The following KLHL5 variants were observed in gnomAD, a reference collection of about 807,000 sequenced individuals.
KLHL5 encodes the protein kelch-like protein 5.
A neutral mutation model predicts 77.7 loss-of-function variants in KLHL5; 48 were observed. The observed-to-expected ratio is 0.62, with a 90% confidence interval of 0.49 to 0.79. KLHL5 has a LOEUF of 0.79. Among genes scored for constraint, KLHL5 ranks in the 30% least tolerant of loss-of-function variants. The pLI is 0.00. For synonymous variants in KLHL5, 260 were observed against 297.0 expected (o/e 0.88, Z 1.28); for missense variants, 723 against 859.7 (o/e 0.84, Z 1.99).
chr4:39,130,844 CT>C (rs546585182), downstream of KLHL5, among the ~76,000 whole-genome samples: 428 of 146,896 alleles, frequency 2.9e-3, 1 homozygote, highest in African/African-American at 4.3e-3. Context: ...ACAAATAATT[CT>C]TTTTTTTTTT....
chr4:39,075,979 G>A lies in KLHL5; in HGVS notation c.398G>A (p.Ser133Asn), dbSNP rs772947807. 6.2e-7 allele frequency: 1 copy of A among 1,609,520 alleles called. No individual in the cohort carries two copies. The highest frequency in any genetic ancestry group is 1.7e-5 in the Admixed American group (1 of 59,222). ...TTTCTTTTCAGGACTTCCAATAGTAGTCAGACATTATCATCCTGTCATACT... is the reference window on the plus strand; with the variant it reads ...TTTCTTTTCAGGACTTCCAATAGTAATCAGACATTATCATCCTGTCATACT... ...DSSSCRTSNS[S>N]QTLSSCHTME... Residue 133 changes from serine (S) to asparagine (N), a missense_variant, in exon 2 of 11, where the codon AGT becomes AAT. Ser to Asn is a conservative substitution (Grantham distance 46). Transcript: ENST00000504108.
At chr4:39,120,532 A>C (rs1480901663) in intron 10 of KLHL5, among the ~76,000 whole-genome samples, 1 of 152,172 alleles carries the variant, frequency 6.6e-6, no homozygotes, top group Non-Finnish European at 1.5e-5. Flanking sequence ...AAAAAATGTG[A>C]GGTTATGAGT....
In KLHL5 at chr4:39,125,845, A is replaced by G. The variant is rs1290992705; in HGVS notation, c.*4779A>G. 3.9e-5 allele frequency among the ~76,000 whole-genome samples: 6 copies of G among 152,208 alleles called. No individual in the cohort carries two copies. The highest frequency in any genetic ancestry group is 7.3e-5 in the Non-Finnish European group (5 of 68,040). On this transcript the variant is annotated 3_prime_UTR_variant, in exon 11 of 11. Transcript: ENST00000504108. ...CACATACACTTTACCATAATTTTTAAAAAGCTTTATTAGCTACATTATGTT... is the reference window on the plus strand; with the variant it reads ...CACATACACTTTACCATAATTTTTAGAAAGCTTTATTAGCTACATTATGTT...
chr4:39,131,491 A>C (rs1723799201), downstream of KLHL5, among the ~76,000 whole-genome samples: 1 of 152,206 alleles, frequency 6.6e-6, no homozygotes, highest in African/African-American at 2.4e-5. Context: ...ATTCAGAAGA[A>C]TCATCCTGCT....
chr4:39,129,704 A>G (rs1723725476), downstream of KLHL5, among the ~76,000 whole-genome samples: 1 of 152,014 alleles, frequency 6.6e-6, no homozygotes, highest in African/African-American at 2.4e-5. This position sits in a 1 kb window ranked among gnomAD's most constrained non-coding sequence, Gnocchi z 4.2. Context: ...TTCCATCTTT[A>G]TGTCCTTTAT....
In KLHL5 at chr4:39,124,773, T is replaced by C. The variant is rs750762058; in HGVS notation, c.*3707T>C. On this transcript the variant is annotated 3_prime_UTR_variant, in exon 11 of 11. Coordinates refer to ENST00000504108, the MANE Select transcript of KLHL5 (RefSeq NM_015990.5). ...TTGGATTTGGCAATGGTTTCTTAGA[T>C]ATGGCACCAAAAGCACAAGCAACAA... 4.0e-4 allele frequency among the ~76,000 whole-genome samples: 42 copies of C among 106,002 alleles called. No individual in the cohort carries two copies. The highest frequency in any genetic ancestry group is 6.8e-4 in the Non-Finnish European group (39 of 57,308). 69.5% of individuals were successfully genotyped at this position (106,002 alleles called of 152,430 possible). A position where few individuals can be genotyped will look rare whatever the true frequency, so the allele number is the denominator to read the frequency against.
At chr4:39,061,214 G>C (rs1560406661), upstream of KLHL5, among the ~76,000 whole-genome samples, 1 of 151,836 alleles carries the variant, frequency 6.6e-6, no homozygotes, top group Non-Finnish European at 1.5e-5. Context: ...TCTCATTCTT[G>C]TTTCTCTGAA....
rs544852227 is a variant in KLHL5, at chr4:39,122,286, T to C, written c.*1220T>C. ...CGGAAAATAATATTTGCTAATATTG[T>C]TTATTGTGAACTAGGAATCAAAGTT... On this transcript the variant is annotated 3_prime_UTR_variant, in exon 11 of 11. Coordinates refer to ENST00000504108, the MANE Select transcript of KLHL5 (RefSeq NM_015990.5). The C allele has an allele frequency of 6.6e-6, 1 of 152,290 alleles. No individual in the cohort carries two copies. Among genetic ancestry groups the C allele is most frequent in the African/African-American group, 2.4e-5 (1 of 41,554 alleles). 9.4% of individuals were successfully genotyped at this position (152,290 alleles called of 1,614,324 possible). A position where few individuals can be genotyped will look rare whatever the true frequency, so the allele number is the denominator to read the frequency against.
chr4:39,141,380 C>G, the KLHL5 span, among the ~76,000 whole-genome samples: 1 of 140,402 alleles, frequency 7.1e-6, no homozygotes, highest in Non-Finnish European at 1.5e-5. Flanking sequence ...GCAATCTCGG[C>G]TCACTGCAAG....
Position 39,113,003 on chromosome 4 carries a change from A to C in KLHL5, c.1689-17A>C. ...TGGCACATGTCTTATTTATCATTTC[A>C]TATATTCTTTTTGCAGACTTTATGC... On this transcript the variant is annotated splice_polypyrimidine_tract_variant and intron_variant, in intron 8 of 10. Transcript: ENST00000504108. 4 of 1,605,154 alleles carry C rather than the reference A, an allele frequency of 2.5e-6. No homozygotes were observed. The highest frequency in any genetic ancestry group is 3.4e-6 in the Non-Finnish European group (4 of 1,173,754).
At chr4:39,063,139 A>G in intron 1 of KLHL5, 104 bp downstream of exon 1, 3 of 732,666 alleles carry the variant, frequency 4.1e-6, no homozygotes, top group Non-Finnish European at 6.2e-6. Context: ...ATATATGTAC[A>G]TCTGCATACA....
intron 1 of KLHL5, among the ~76,000 whole-genome samples, chr4:39,071,253 C>T (rs1218400114): frequency 6.6e-6 from 1 of 152,090 alleles, no homozygotes; most frequent in Non-Finnish European, 1.5e-5. Flanking sequence ...ATATAGTAAG[C>T]ACACTTCTGC....
At chr4:39,130,812 T>G (rs1283241547), downstream of KLHL5, among the ~76,000 whole-genome samples, 1 of 152,070 alleles carries the variant, frequency 6.6e-6, no homozygotes, top group Non-Finnish European at 1.5e-5. Context: ...CAAGAGCCAG[T>G]TATTTACATA....
At chr4:39,141,962 A>G in the KLHL5 span, among the ~76,000 whole-genome samples, 2 of 152,168 alleles carry the variant, frequency 1.3e-5, no homozygotes, top group Non-Finnish European at 1.5e-5. Flanking sequence ...TATTGTTTTC[A>G]TGATTCTTTT....
Position 39,062,360 on chromosome 4 carries a change from A to G in KLHL5, c.-293A>G. On this transcript the variant is annotated 5_prime_UTR_variant, in exon 1 of 11. Transcript: ENST00000504108. Reference sequence around the variant, plus strand: ...GTGAGACCTAATGGTCAGTATGGGAAAGGAGAGCCGGGAAAGTGGTCTAGC... The same window carrying G: ...GTGAGACCTAATGGTCAGTATGGGAGAGGAGAGCCGGGAAAGTGGTCTAGC... The G allele has an allele frequency of 7.0e-7, 1 of 1,436,440 alleles. No individual in the cohort carries two copies. The highest frequency in any genetic ancestry group is 9.1e-7 in the Non-Finnish European group (1 of 1,101,896). The allele number at this position is 1,436,440 out of a possible 1,614,324, so 89.0% of individuals were successfully genotyped here. A position where few individuals can be genotyped will look rare whatever the true frequency, so the allele number is the denominator to read the frequency against.
Position 39,121,673 on chromosome 4 carries a change from CTTGA to C in KLHL5, c.*609_*612del, listed in dbSNP as rs1237353034. ...TAAAGCAACAATAACCAAATAAAAA[CTTGA>C]TAGGATCTTTGAAGTCTATTTAAAT... On this transcript the variant is annotated 3_prime_UTR_variant, in exon 11 of 11. Transcript: ENST00000504108. The C allele has an allele frequency of 2.0e-5, 3 of 152,532 alleles. No individual in the cohort carries two copies. The highest frequency in any genetic ancestry group is 7.2e-5 in the African/African-American group (3 of 41,380). The allele number at this position is 152,532 out of a possible 1,614,324, so 9.4% of individuals were successfully genotyped here. A position where few individuals can be genotyped will look rare whatever the true frequency, so the allele number is the denominator to read the frequency against.
At chr4:39,136,005 C>CGTGT in the KLHL5 span, among the ~76,000 whole-genome samples, 9,866 of 145,812 alleles carry the variant, frequency 0.068, 350 homozygotes, top group African/African-American at 0.076. Context: ...CATTCTAACA[C>CGTGT]GTGTGTGTGT....
At chr4:39,096,551 G>T in intron 5 of KLHL5, 141 bp from the exon 6 acceptor site, 1 of 587,830 alleles carries the variant, frequency 1.7e-6, no homozygotes, top group Non-Finnish European at 3.0e-6. Flanking sequence ...TGTAAATGTT[G>T]CATATTTTAG....
At chr4:39,046,494 A>T (rs553893829) in intron 1 of KLHL5, among the ~76,000 whole-genome samples, 1 of 152,310 alleles carries the variant, frequency 6.6e-6, no homozygotes, top group African/African-American at 2.4e-5. Context: ...AACGCTTGTG[A>T]TTCCAGCCCT....
Sources: allele counts gnomAD v4.1 joint callset (sites outside exome capture counted in the v4.1 genomes callset), GRCh38; gene constraint gnomAD v4.1.1; non-coding constraint Gnocchi (gnomAD v3.1); transcripts MANE v1.5; gene names NCBI Gene and HGNC (gene_info 2026-07-23, HGNC 2026-07-21).